ARB2A: variants seen among roughly 807,000 people sequenced by gnomAD.
ARB2A encodes cotranscriptional regulator ARB2A.
chr5:93,664,689 C>G, the ARB2A span, among the ~76,000 whole-genome samples: 1 of 150,032 alleles, frequency 6.7e-6, no homozygotes, highest in African/African-American at 2.4e-5. Flanking sequence ...GACAAATATA[C>G]ATAATATGAA....
chr5:94,081,077 T>C, the ARB2A span, among the ~76,000 whole-genome samples: 1 of 152,072 alleles, frequency 6.6e-6, no homozygotes, highest in African/African-American at 2.4e-5. Flanking sequence ...AAAAAGCACA[T>C]AAAAGATGCT....
chr5:94,045,869 C>T, the ARB2A span, among the ~76,000 whole-genome samples: 1 of 152,106 alleles, frequency 6.6e-6, no homozygotes, highest in East Asian at 1.9e-4. Context: ...AAATGGCATT[C>T]ATCTTTAACG....
chr5:93,933,943 T>C, the ARB2A span, among the ~76,000 whole-genome samples: 1 of 151,578 alleles, frequency 6.6e-6, no homozygotes, highest in Non-Finnish European at 1.5e-5. Context: ...CAGGCGGAGG[T>C]TGCAGTGAGC....
the ARB2A span, among the ~76,000 whole-genome samples, chr5:93,835,357 C>A: frequency 6.6e-6 from 1 of 152,200 alleles, no homozygotes; most frequent in Non-Finnish European, 1.5e-5. Flanking sequence ...TTTGAGACTG[C>A]TTACAGTGAC....
At chr5:93,865,296 C>G in the ARB2A span, 1 of 543,452 alleles carries the variant, frequency 1.8e-6, no homozygotes, top group South Asian at 8.0e-5. Flanking sequence ...TTAGCCAGAA[C>G]GGTCTCGATC....
chr5:93,683,334 C>T, the ARB2A span: 1 of 1,604,172 alleles, frequency 6.2e-7, no homozygotes, highest in East Asian at 2.2e-5. Flanking sequence ...TCCTCCTCCT[C>T]TTCATCTTCT....
At chr5:93,938,166 T>C in the ARB2A span, among the ~76,000 whole-genome samples, 1 of 152,110 alleles carries the variant, frequency 6.6e-6, no homozygotes, top group Non-Finnish European at 1.5e-5. Flanking sequence ...CCTAAGAAAA[T>C]TGTTTCTGAA....
At chr5:93,801,657 T>A in the ARB2A span, among the ~76,000 whole-genome samples, 1 of 152,114 alleles carries the variant, frequency 6.6e-6, no homozygotes, top group East Asian at 1.9e-4. Flanking sequence ...AATGTGCACA[T>A]GTGAGGGCAC....
the ARB2A span, among the ~76,000 whole-genome samples, chr5:93,990,605 T>G: frequency 7.3e-6 from 1 of 137,468 alleles, no homozygotes; most frequent in East Asian, 2.1e-4. Context: ...CCAATCTTCC[T>G]GTTTCTACCA....
chr5:94,083,165 T>G, the ARB2A span, among the ~76,000 whole-genome samples: 1 of 152,224 alleles, frequency 6.6e-6, no homozygotes, highest in Non-Finnish European at 1.5e-5. Flanking sequence ...TGCTGAATGT[T>G]AGCCATTTAT....
At chr5:93,830,309 GTGTATA>G in the ARB2A span, among the ~76,000 whole-genome samples, 9 of 49,654 alleles carry the variant, frequency 1.8e-4, 1 homozygote, top group African/African-American at 8.2e-4. Flanking sequence ...ATGTGTGTGT[GTGTATA>G]TATATATATA....
At chr5:94,108,256 C>A in the ARB2A span, among the ~76,000 whole-genome samples, 1 of 152,096 alleles carries the variant, frequency 6.6e-6, no homozygotes, top group South Asian at 2.1e-4. Context: ...TAATATACTC[C>A]TTTTCTTCTA....
At chr5:93,810,199 T>G in the ARB2A span, among the ~76,000 whole-genome samples, 4 of 151,844 alleles carry the variant, frequency 2.6e-5, no homozygotes, top group South Asian at 2.1e-4. Flanking sequence ...GGTTTCGTTT[T>G]TTTTTTTTTT....
At chr5:93,850,872 T>G in the ARB2A span, among the ~76,000 whole-genome samples, 3 of 152,228 alleles carry the variant, frequency 2.0e-5, no homozygotes, top group African/African-American at 7.2e-5. Context: ...GTATGAAATA[T>G]CCTACTTAAA....
chr5:94,083,439 A>G, the ARB2A span, among the ~76,000 whole-genome samples: 133,963 of 152,160 alleles, frequency 0.88, 60,019 homozygotes, highest in East Asian at 1. Flanking sequence ...TTCAATATCT[A>G]CAGAAAAGCA....
chr5:93,678,462 A>T, the ARB2A span, among the ~76,000 whole-genome samples: 2 of 152,194 alleles, frequency 1.3e-5, no homozygotes, highest in Admixed American at 6.5e-5. Flanking sequence ...AAACAAGCAA[A>T]AATCTAAATG....
chr5:93,652,826 C>G, the ARB2A span, among the ~76,000 whole-genome samples: 4 of 152,076 alleles, frequency 2.6e-5, no homozygotes, highest in African/African-American at 7.2e-5. Context: ...GTTTTGAGGA[C>G]TTTTACTTTA....
At chr5:93,790,952 A>G in the ARB2A span, among the ~76,000 whole-genome samples, 1 of 152,178 alleles carries the variant, frequency 6.6e-6, no homozygotes, top group Non-Finnish European at 1.5e-5. Context: ...TAAAGGAGAA[A>G]AGGCATGTAA....
the ARB2A span, among the ~76,000 whole-genome samples, chr5:93,979,186 T>A: frequency 6.6e-6 from 1 of 152,156 alleles, no homozygotes; most frequent in African/African-American, 2.4e-5. Context: ...AAACCAGTCT[T>A]ACTCATTTCA....
Sources: gnomAD v4.1 joint callset for allele counts (sites outside exome capture counted in the v4.1 genomes callset) on GRCh38, gnomAD v4.1.1 for gene constraint, MANE v1.5 for transcripts, NCBI Gene and HGNC (gene_info 2026-07-23, HGNC 2026-07-21) for gene names.